The following MYO16 variants were observed in gnomAD, a reference collection of about 807,000 sequenced individuals.
MYO16 encodes the protein unconventional myosin-XVI.
A neutral mutation model predicts 205.3 loss-of-function variants in MYO16; 94 were observed. The ratio of observed to expected loss-of-function variants is 0.46; its 90% CI spans 0.39 to 0.54. The LOEUF (loss-of-function observed/expected upper bound fraction) is 0.54. MYO16 is among the 20% of genes least tolerant of loss of function. MYO16 has a pLI of 0.00. For synonymous variants in MYO16, 988 were observed against 954.0 expected (o/e 1.04, Z -0.66); for missense variants, 2,315 against 2,387.5 (o/e 0.97, Z 0.63).
chr13:108,781,558 C>G (rs1886304940), intron 4 of MYO16, among the ~76,000 whole-genome samples: 1 of 152,206 alleles, frequency 6.6e-6, no homozygotes, highest in African/African-American at 2.4e-5. Context: ...CTTTCTCTCT[C>G]TGGGCATTAG....
chr13:108,885,583 A>G (rs1481378084), intron 13 of MYO16, among the ~76,000 whole-genome samples: 1 of 152,212 alleles, frequency 6.6e-6, no homozygotes, highest in Non-Finnish European at 1.5e-5. Flanking sequence ...AACACTGTCA[A>G]TTGGTGAGAC....
At chr13:108,689,670 G>A (rs920900139) in intron 2 of MYO16, among the ~76,000 whole-genome samples, 2 of 151,450 alleles carry the variant, frequency 1.3e-5, no homozygotes, top group African/African-American at 2.4e-5. Context: ...TTTGTAGAAA[G>A]GTAATGAATG....
In MYO16 at chr13:108,756,683, G is replaced by A. The variant is rs142118365; in HGVS notation, c.508-28952G>A. On this transcript the variant is annotated intron_variant, in intron 4 of 34. Coordinates refer to ENST00000457511, the MANE Select transcript of MYO16 (RefSeq NM_001198950.3). The stretch of plus-strand genomic sequence containing the variant: ...GAAGGAATTCACATTTATTTTAAAA[G>A]CATTGCAAAATATAGAAAAAAACAA... 2.1e-3 allele frequency among the ~76,000 whole-genome samples: 324 copies of A among 151,298 alleles called. 1 individual carries two copies. Among genetic ancestry groups the A allele is most frequent in the African/African-American group, 6.5e-3 (267 of 41,308 alleles).
chr13:108,784,133 G>A (rs9521050), intron 4 of MYO16, among the ~76,000 whole-genome samples: 52,067 of 152,048 alleles, frequency 0.34, 10,136 homozygotes, highest in East Asian at 0.63. Flanking sequence ...AAGCACTGCC[G>A]TGTTCGTTAC....
chr13:109,066,991 C>T (rs1488621672), intron 27 of MYO16, among the ~76,000 whole-genome samples: 3 of 152,170 alleles, frequency 2.0e-5, no homozygotes, highest in South Asian at 4.1e-4. Context: ...TCCACTCATT[C>T]GTTCATCATT....
chr13:108,573,071 G>A, the MYO16 span, among the ~76,000 whole-genome samples: 1 of 152,138 alleles, frequency 6.6e-6, no homozygotes, highest in African/African-American at 2.4e-5. Flanking sequence ...ATGCCTCCTC[G>A]CTTCTCTGGC....
At chr13:108,752,682 C>A (rs1385506242) in intron 4 of MYO16, among the ~76,000 whole-genome samples, 9 of 149,134 alleles carry the variant, frequency 6.0e-5, no homozygotes, top group Non-Finnish European at 8.9e-5. Context: ...CACTCTGCTG[C>A]CCAGGCTGGA....
chr13:109,125,254 T>C lies in MYO16; in HGVS notation c.3678T>C (p.Ala1226=), dbSNP rs1876190892. The stretch of plus-strand genomic sequence containing the variant: ...ACGATGCCCTGGTCATTCAGAATGC[T>C]TCAGACATTGCCCGGGAAAATGACC... ...KTYDALVIQN[A]SDIARENDRL... Residue 1226 remains alanine, a synonymous_variant, in exon 30 of 35, where the codon GCT becomes GCC. Coordinates refer to ENST00000457511, the MANE Select transcript of MYO16 (RefSeq NM_001198950.3). The surrounding 1 kb of genome is among the most constrained non-coding windows in gnomAD (Gnocchi z 4.0). 6.2e-7 allele frequency: 1 copy of C among 1,614,012 alleles called. No homozygotes were observed. The highest frequency in any genetic ancestry group is 1.7e-5 in the Admixed American group (1 of 60,004).
At chr13:108,995,695 T>G (rs1397254955) in intron 21 of MYO16, among the ~76,000 whole-genome samples, 2 of 152,124 alleles carry the variant, frequency 1.3e-5, no homozygotes, top group Non-Finnish European at 2.9e-5. Context: ...CGGTGTTTCG[T>G]TTTTTGTCCT....
intron 4 of MYO16, among the ~76,000 whole-genome samples, chr13:108,738,050 G>A (rs965040347): frequency 1.3e-5 from 2 of 152,026 alleles, no homozygotes; most frequent in Admixed American, 6.6e-5. Context: ...CTTGCTAGTG[G>A]TCTATCAATT....
At chr13:108,723,278 G>T (rs1884229099) in intron 3 of MYO16, among the ~76,000 whole-genome samples, 1 of 151,778 alleles carries the variant, frequency 6.6e-6, no homozygotes, top group African/African-American at 2.4e-5. Context: ...TGGGTGTTTT[G>T]TGAATATTTT....
chr13:108,882,678 C>G (rs574771111), intron 12 of MYO16, among the ~76,000 whole-genome samples: 2 of 152,086 alleles, frequency 1.3e-5, no homozygotes, highest in African/African-American at 4.8e-5. Context: ...AAGTTTAAAA[C>G]CTTGGCTATC....
intron 14 of MYO16, among the ~76,000 whole-genome samples, chr13:108,893,048 C>T (rs1352593097): frequency 1.3e-5 from 2 of 152,160 alleles, no homozygotes; most frequent in African/African-American, 4.8e-5. Flanking sequence ...CTTCTAGTCT[C>T]ATGAAAAAAT....
chr13:109,034,368 T>A (rs1416637599), intron 23 of MYO16, among the ~76,000 whole-genome samples: 1 of 152,188 alleles, frequency 6.6e-6, no homozygotes, highest in African/African-American at 2.4e-5. Flanking sequence ...GTTTGCCCTG[T>A]GCTGGTCTTG....
intron 27 of MYO16, among the ~76,000 whole-genome samples, chr13:109,074,945 A>G (rs915867063): frequency 2.6e-5 from 4 of 152,086 alleles, no homozygotes; most frequent in Admixed American, 2.6e-4. Flanking sequence ...TTCATTTTCT[A>G]TTTTTTAAAT....
At chr13:109,082,493 TTAGGTTACAGG>T (rs2139672727) in intron 27 of MYO16, among the ~76,000 whole-genome samples, 1 of 152,298 alleles carries the variant, frequency 6.6e-6, no homozygotes, top group Non-Finnish European at 1.5e-5. Flanking sequence ...AAGGTCTAGC[TTAGGTTACAGG>T]AAGAGTAATG....
intron 16 of MYO16, among the ~76,000 whole-genome samples, chr13:108,913,399 T>C (rs1881352656): frequency 6.6e-6 from 1 of 152,220 alleles, no homozygotes; most frequent in Non-Finnish European, 1.5e-5. Flanking sequence ...CTCACATTTA[T>C]AATGTTGGTG....
At chr13:108,934,037 T>C (rs1882375406) in intron 16 of MYO16, among the ~76,000 whole-genome samples, 1 of 152,170 alleles carries the variant, frequency 6.6e-6, no homozygotes, top group Admixed American at 6.5e-5. Flanking sequence ...GTCTTTGCTA[T>C]TGAGAATAAT....
At chr13:108,720,233 A>G (rs1191156518) in intron 3 of MYO16, among the ~76,000 whole-genome samples, 1 of 152,224 alleles carries the variant, frequency 6.6e-6, no homozygotes, top group African/African-American at 2.4e-5. Context: ...ACATGGTGGC[A>G]GAGAAGTGGA....
Sources: gnomAD v4.1 joint callset for allele counts (sites outside exome capture counted in the v4.1 genomes callset) on GRCh38, gnomAD v4.1.1 for gene constraint, Gnocchi (gnomAD v3.1) non-coding constraint, MANE v1.5 for transcripts, NCBI Gene and HGNC (gene_info 2026-07-23, HGNC 2026-07-21) for gene names.